Variants in CDH7 observed in about 807,000 individuals in gnomAD.
CDH7 encodes cadherin-7.
A neutral mutation model predicts 71.8 loss-of-function variants in CDH7; 25 were observed. The observed-to-expected ratio is 0.35, with a 90% CI of 0.25 to 0.49. The LOEUF is 0.49. CDH7 is among the 20% of genes least tolerant of loss of function. The pLI is 0.99. For synonymous variants in CDH7, 381 were observed against 363.8 expected, an observed-to-expected ratio of 1.05 and a Z score of -0.54; for missense variants, 862 against 974.6, an observed-to-expected ratio of 0.88 and a Z score of 1.54.
At chr18:65,854,312 A>AAATT (rs895719378) in intron 7 of CDH7, among the ~76,000 whole-genome samples, 1 of 151,334 alleles carries the variant, frequency 6.6e-6, no homozygotes, top group African/African-American at 2.4e-5. Context: ...TTAAATAAAT[A>AAATT]AATATATCTA....
chr18:65,841,633 G>C (rs1912737072), intron 6 of CDH7, among the ~76,000 whole-genome samples: 1 of 152,158 alleles, frequency 6.6e-6, no homozygotes, highest in Non-Finnish European at 1.5e-5. Flanking sequence ...AATGCTTCAA[G>C]TGTCCCCAAC....
At chr18:65,810,979 T>C (rs943881931) in intron 3 of CDH7, among the ~76,000 whole-genome samples, 8 of 152,172 alleles carry the variant, frequency 5.3e-5, no homozygotes, top group Non-Finnish European at 7.4e-5. Context: ...TTAAATTTCA[T>C]TTATTCAAGT....
chr18:65,759,791 C>T (rs1350515663), intron 1 of CDH7, among the ~76,000 whole-genome samples: 1 of 152,168 alleles, frequency 6.6e-6, no homozygotes, highest in Non-Finnish European at 1.5e-5. Context: ...GCTCTTATCC[C>T]TAGTCCAGAC....
Position 65,882,458 on chromosome 18 carries a change from G to A in CDH7, c.*1564G>A, listed in dbSNP as rs1242595933. ...TAGTAAACACTGTGTAGAGAATCAT[G>A]TTCTAAAAGTGCTTTTTGAAAGGTA... On this transcript the variant is annotated 3_prime_UTR_variant, in exon 12 of 12. Transcript: ENST00000397968. 1 of 152,064 alleles carries A rather than the reference G, an allele frequency of 6.6e-6. No homozygotes were observed. The highest frequency in any genetic ancestry group is 2.4e-5 in the African/African-American group (1 of 41,420). 9.4% of individuals were successfully genotyped at this position (152,064 alleles called of 1,614,324 possible).
intron 6 of CDH7, among the ~76,000 whole-genome samples, chr18:65,828,523 A>G (rs1912215316): frequency 6.6e-6 from 1 of 152,168 alleles, no homozygotes; most frequent in African/African-American, 2.4e-5. Flanking sequence ...TATGTATTAA[A>G]TGCCTAAAAT....
At chr18:65,772,246 G>A (rs1916565183) in intron 2 of CDH7, among the ~76,000 whole-genome samples, 1 of 152,150 alleles carries the variant, frequency 6.6e-6, no homozygotes, top group South Asian at 2.1e-4. Flanking sequence ...TCATTTAAGG[G>A]TCCATATTGG....
chr18:65,886,877 A>G lies in CDH7; in HGVS notation c.*5983A>G, dbSNP rs1042673702. Reference sequence around the variant, plus strand: ...CTTACGAATGAAGAAACTCTAGGAAACTAAAAAATAATATATAATGGATAT... The same window carrying G: ...CTTACGAATGAAGAAACTCTAGGAAGCTAAAAAATAATATATAATGGATAT... On this transcript the variant is annotated 3_prime_UTR_variant, in exon 12 of 12. Transcript: ENST00000397968. The G allele has an allele frequency of 6.6e-6, 1 of 152,142 alleles. No individual in the cohort carries two copies. The highest frequency in any genetic ancestry group is 1.5e-5 in the Non-Finnish European group (1 of 68,000). 9.4% of individuals were successfully genotyped at this position (152,142 alleles called of 1,614,324 possible).
intron 6 of CDH7, among the ~76,000 whole-genome samples, chr18:65,841,792 T>C (rs560618527): frequency 2.0e-4 from 31 of 152,244 alleles, no homozygotes; most frequent in East Asian, 1.5e-3. Context: ...TCAGAATCCA[T>C]TGGAAGGGGC....
Position 65,824,842 on chromosome 18 carries a change from CTTTA to C in CDH7, c.981+17_981+20del. ...ATTACTATACAGAAGGTAATGTTTTCTTTATTTATCTTTTATCACAGATTACTGA... is the reference window on the plus strand; with the variant it reads ...ATTACTATACAGAAGGTAATGTTTTCTTTATCTTTTATCACAGATTACTGA... On this transcript the variant is annotated intron_variant, in intron 6 of 11. Transcript: ENST00000397968. 8.4e-6 allele frequency: 13 copies of C among 1,545,056 alleles called. No homozygotes were observed. The highest frequency in any genetic ancestry group is 1.1e-5 in the Non-Finnish European group (13 of 1,132,846).
intron 2 of CDH7, among the ~76,000 whole-genome samples, chr18:65,801,444 T>A (rs1911121110): frequency 6.6e-6 from 1 of 152,206 alleles, no homozygotes; most frequent in African/African-American, 2.4e-5. Flanking sequence ...AAGGATGAAC[T>A]AGACAAATAC....
intron 11 of CDH7, chr18:65,865,652 CT>C (rs1441656146): frequency 3.3e-5 from 5 of 151,994 alleles, no homozygotes; most frequent in African/African-American, 1.2e-4. Flanking sequence ...CTCTTTGTGT[CT>C]TATTTCCCAA....
chr18:65,856,773 A>G (rs1455106665), intron 7 of CDH7, among the ~76,000 whole-genome samples: 1 of 152,238 alleles, frequency 6.6e-6, no homozygotes, highest in Non-Finnish European at 1.5e-5. Flanking sequence ...TCACCCAACC[A>G]GAAAGACTGC....
At chr18:65,778,224 A>G (rs1910025241) in intron 2 of CDH7, among the ~76,000 whole-genome samples, 1 of 147,236 alleles carries the variant, frequency 6.8e-6, no homozygotes, top group South Asian at 2.2e-4. Context: ...GTGAGCCGAG[A>G]TCATGCTACT....
intron 1 of CDH7, among the ~76,000 whole-genome samples, chr18:65,754,066 T>C (rs1401409916): frequency 6.6e-6 from 1 of 152,086 alleles, no homozygotes; most frequent in Non-Finnish European, 1.5e-5. Context: ...AAAAACTCTC[T>C]GAATATAATT....
chr18:65,865,950 G>A (rs1166575713), intron 11 of CDH7: 4 of 152,038 alleles, frequency 2.6e-5, no homozygotes, highest in African/African-American at 9.7e-5. Flanking sequence ...CTGGCAAAAA[G>A]CAAGGTGAGG....
chr18:65,821,880 T>A (rs1911942251), intron 4 of CDH7, among the ~76,000 whole-genome samples: 1 of 152,142 alleles, frequency 6.6e-6, no homozygotes, highest in South Asian at 2.1e-4. Flanking sequence ...GAAAACCACG[T>A]TAATAATGTT....
intron 1 of CDH7, among the ~76,000 whole-genome samples, chr18:65,759,120 T>A (rs1251076294): frequency 6.6e-6 from 1 of 152,224 alleles, no homozygotes; most frequent in Non-Finnish European, 1.5e-5. Flanking sequence ...GAAATAATCT[T>A]CAAGAGCAAG....
At chr18:65,766,123 T>G (rs1342159072) in intron 2 of CDH7, among the ~76,000 whole-genome samples, 1 of 152,130 alleles carries the variant, frequency 6.6e-6, no homozygotes. Context: ...TATAGGAATG[T>G]CTATTTTGGG....
chr18:65,768,344 C>T lies in CDH7; in HGVS notation c.210+5292C>T, dbSNP rs142388565. ...TCCGCCTCCCGGTTCAAGCAATTCT[C>T]CTGCCTCAGCCTCCCCAGTATCTGG... On this transcript the variant is annotated intron_variant, in intron 2 of 11. Coordinates refer to ENST00000397968, the MANE Select transcript of CDH7 (RefSeq NM_004361.5). Among the ~76,000 whole-genome samples, 4 of 152,036 alleles carry T rather than the reference C, an allele frequency of 2.6e-5. 1 individual carries two copies. The highest frequency in any genetic ancestry group is 9.7e-5 in the African/African-American group (4 of 41,404).
Sources: allele counts gnomAD v4.1 joint callset (sites outside exome capture counted in the v4.1 genomes callset), GRCh38; gene constraint gnomAD v4.1.1; transcripts MANE v1.5; gene names NCBI Gene and HGNC (gene_info 2026-07-23, HGNC 2026-07-21).